SLC36A1: variants seen among roughly 807,000 people sequenced by gnomAD.
SLC36A1 encodes proton-coupled amino acid transporter 1.
Under a neutral mutation model 47.5 loss-of-function variants are expected in SLC36A1, and 30 were observed. That is an observed-to-expected ratio of 0.63 (90% CI 0.47 to 0.86). The LOEUF is 0.86. Among genes scored for constraint, SLC36A1 ranks in the 40% least tolerant of loss-of-function variants. The pLI, the probability that SLC36A1 is intolerant of heterozygous loss-of-function variation, is 0.00. For missense variants in SLC36A1, 517 were observed against 606.0 expected (o/e 0.85, Z 1.54); for synonymous variants, 255 against 249.7 (o/e 1.02, Z -0.20).
chr5:151,364,870 G>A, the SLC36A1 span, among the ~76,000 whole-genome samples: 1 of 152,030 alleles, frequency 6.6e-6, no homozygotes, highest in Non-Finnish European at 1.5e-5. Context: ...TGCAGTCTGG[G>A]AACATGTTTA....
chr5:151,505,125 C>T, the SLC36A1 span: 244 of 265,134 alleles, frequency 9.2e-4, no homozygotes, highest in African/African-American at 5.3e-3. Context: ...GTACGGCCCG[C>T]GTAGTGGTTG....
chr5:151,368,521 A>G, the SLC36A1 span, among the ~76,000 whole-genome samples: 1 of 152,238 alleles, frequency 6.6e-6, no homozygotes, highest in African/African-American at 2.4e-5. Context: ...TACCCAAGAA[A>G]AAGTATCTGT....
the SLC36A1 span, among the ~76,000 whole-genome samples, chr5:151,359,742 CACA>C: frequency 6.6e-6 from 1 of 152,224 alleles, no homozygotes; most frequent in African/African-American, 2.4e-5. Flanking sequence ...AATGGATTCA[CACA>C]ACATGTGGTT....
chr5:151,438,744 C>T (rs192229918), intron 1 of SLC36A1, among the ~76,000 whole-genome samples: 1 of 152,312 alleles, frequency 6.6e-6, no homozygotes, highest in Admixed American at 6.5e-5. Flanking sequence ...CTCTCATGCA[C>T]TCTCCCAGGC....
the SLC36A1 span, among the ~76,000 whole-genome samples, chr5:151,418,243 T>C: frequency 0.49 from 74,698 of 152,058 alleles, 19,868 homozygotes; most frequent in African/African-American, 0.71. Context: ...GGGTTGCAGC[T>C]GCCACACAGT....
chr5:151,405,343 C>CTTTTTTTT, the SLC36A1 span, among the ~76,000 whole-genome samples: 95 of 85,224 alleles, frequency 1.1e-3, 1 homozygote, highest in Admixed American at 1.3e-3. Flanking sequence ...CTCTCTTTCT[C>CTTTTTTTT]TTTTTTTTTT....
the SLC36A1 span, among the ~76,000 whole-genome samples, chr5:151,383,270 A>G: frequency 1.1e-4 from 16 of 152,178 alleles, no homozygotes; most frequent in Non-Finnish European, 1.9e-4. Context: ...GTGCCACAGC[A>G]GGATAGCAAC....
chr5:151,544,417 G>T, the SLC36A1 span: 1 of 1,614,158 alleles, frequency 6.2e-7, no homozygotes, highest in Non-Finnish European at 8.5e-7. Context: ...CACATGTTTG[G>T]TCTTGGACTC....
chr5:151,540,112 G>A, the SLC36A1 span, among the ~76,000 whole-genome samples: 2 of 152,206 alleles, frequency 1.3e-5, no homozygotes, highest in African/African-American at 4.8e-5. Context: ...TTTGGAGAAT[G>A]CTTATGTTAC....
chr5:151,554,449 G>T, the SLC36A1 span: 3 of 1,614,160 alleles, frequency 1.9e-6, no homozygotes, highest in East Asian at 2.2e-5. Flanking sequence ...CCTCCTCATC[G>T]CTGTCCTCGA....
At chr5:151,399,507 T>C in the SLC36A1 span, among the ~76,000 whole-genome samples, 1 of 152,200 alleles carries the variant, frequency 6.6e-6, no homozygotes, top group Non-Finnish European at 1.5e-5. Context: ...ATTCGAAAGG[T>C]TCAGAGGATA....
At chr5:151,535,593 A>T in the SLC36A1 span, among the ~76,000 whole-genome samples, 1 of 152,160 alleles carries the variant, frequency 6.6e-6, no homozygotes, top group Non-Finnish European at 1.5e-5. Flanking sequence ...CCTTTATAAT[A>T]AACCAGTAAA....
the SLC36A1 span, among the ~76,000 whole-genome samples, chr5:151,515,947 C>T: frequency 1.3e-5 from 2 of 152,218 alleles, no homozygotes; most frequent in African/African-American, 2.4e-5. Flanking sequence ...ACAAGACCTT[C>T]ATAGATATGC....
At chr5:151,473,837 C>A in intron 8 of SLC36A1, 66 bp downstream of exon 8, 2 of 1,236,840 alleles carry the variant, frequency 1.6e-6, no homozygotes, top group African/African-American at 1.5e-5. Flanking sequence ...AGGTCTGTTT[C>A]AAGGAATGCT....
chr5:151,553,460 A>T, the SLC36A1 span: 2 of 1,320,760 alleles, frequency 1.5e-6, no homozygotes, highest in Non-Finnish European at 2.1e-6. Context: ...CAGGACAGGA[A>T]CCAGAGCGTC....
chr5:151,548,222 G>A, the SLC36A1 span, among the ~76,000 whole-genome samples: 1 of 152,028 alleles, frequency 6.6e-6, no homozygotes, highest in Admixed American at 6.6e-5. Flanking sequence ...TGAACATTAG[G>A]TCTTGTGAGG....
At chr5:151,533,367 C>A in the SLC36A1 span, among the ~76,000 whole-genome samples, 1 of 150,410 alleles carries the variant, frequency 6.6e-6, no homozygotes, top group Non-Finnish European at 1.5e-5. Context: ...TCAAGCAAGT[C>A]TATTCCACTT....
In SLC36A1 at chr5:151,451,178, C is replaced by G. The variant is rs1196160216; in HGVS notation, c.-6+3365C>G. On this transcript the variant is annotated intron_variant, in intron 1 of 10. Transcript: ENST00000243389. ...ATATTTCTCTTGGAAGCCTTGACAC[C>G]CAGGGCCAGTTCTTTTTTTACTTAT... 2.0e-5 allele frequency: 3 copies of G among 150,344 alleles called. No individual in the cohort carries two copies. In the East Asian group the frequency reaches 5.8e-4, roughly 29 times the overall value. The allele number at this position is 150,344 out of a possible 1,614,324, so 9.3% of individuals were successfully genotyped here.
the SLC36A1 span, chr5:151,347,321 C>T: frequency 6.2e-7 from 1 of 1,614,224 alleles, no homozygotes; most frequent in Non-Finnish European, 8.5e-7. Context: ...CTTCTTCAAG[C>T]CTGCTGACTC....
Sources: allele counts gnomAD v4.1 joint callset (sites outside exome capture counted in the v4.1 genomes callset), GRCh38; gene constraint gnomAD v4.1.1; transcripts MANE v1.5; gene names NCBI Gene and HGNC (gene_info 2026-07-23, HGNC 2026-07-21).